The following TMEM177 variants were observed in gnomAD, a reference collection of about 807,000 sequenced individuals.
TMEM177 encodes transmembrane protein 177.
TMEM177 carries 4 observed loss-of-function variants against 14.2 expected under a neutral mutation model. The ratio of observed to expected loss-of-function variants is 0.28; its 90% confidence interval spans 0.14 to 0.64. The LOEUF is 0.64. Among genes scored for constraint, TMEM177 ranks in the 30% least tolerant of loss-of-function variants. The pLI is 0.82. For missense variants in TMEM177, 344 were observed against 405.2 expected (o/e 0.85, Z 1.30); for synonymous variants, 179 against 174.5 (o/e 1.03, Z -0.20).
chr2:119,702,917 G>A, the TMEM177 span, among the ~76,000 whole-genome samples: 4 of 152,232 alleles, frequency 2.6e-5, no homozygotes, highest in African/African-American at 9.6e-5. Context: ...CAGGGGGCTG[G>A]TACCAGAGCC....
downstream of TMEM177, chr2:119,685,531 T>C: frequency 3.2e-6 from 2 of 631,942 alleles, no homozygotes; most frequent in South Asian, 1.9e-5. Flanking sequence ...CTCCCCACCA[T>C]GTCCCTATAG....
At position 119,681,695 on chromosome 2, in the gene TMEM177, G is replaced by A. The variant is rs1427888418; in HGVS notation, c.842G>A (p.Arg281Lys). 1 of 1,614,222 alleles carries A rather than the reference G, an allele frequency of 6.2e-7. No individual in the cohort carries two copies. ...ACACCCAGCGGGAACATCGTCCCCA[G>A]ACACTTGTTCCGAATCAAACATTTA... is the stretch of plus-strand genomic sequence containing the variant. ...LYTPSGNIVPRHLFRIKHLPY... is the reference protein window; with the variant it reads ...LYTPSGNIVPKHLFRIKHLPY... The change falls in exon 2 of 2, where the codon AGA (arginine) becomes AAA (lysine). Residue 281 changes from arginine (R) to lysine (K), a missense_variant. Coordinates refer to ENST00000272521, the MANE Select transcript of TMEM177 (RefSeq NM_030577.3).
the TMEM177 span, among the ~76,000 whole-genome samples, chr2:119,715,833 C>T: frequency 6.6e-6 from 1 of 152,192 alleles, no homozygotes; most frequent in Admixed American, 6.5e-5. Flanking sequence ...AAAGCCTGTC[C>T]CTGTGTTGTT....
downstream of TMEM177, among the ~76,000 whole-genome samples, chr2:119,684,523 G>A (rs915105987): frequency 3.7e-5 from 4 of 107,784 alleles, no homozygotes; most frequent in Non-Finnish European, 8.4e-5. Flanking sequence ...CTAAATTGAG[G>A]CTCTCCATAA....
the TMEM177 span, among the ~76,000 whole-genome samples, chr2:119,704,247 G>A: frequency 6.6e-6 from 1 of 152,186 alleles, no homozygotes; most frequent in African/African-American, 2.4e-5. Flanking sequence ...CCATTTAGAA[G>A]CTGCCATAAG....
At chr2:119,692,402 G>C in the TMEM177 span, among the ~76,000 whole-genome samples, 7 of 152,228 alleles carry the variant, frequency 4.6e-5, no homozygotes, top group Non-Finnish European at 1.0e-4. Flanking sequence ...CAGTGTGAAG[G>C]CCTGTGGCCC....
At chr2:119,718,517 C>A in the TMEM177 span, among the ~76,000 whole-genome samples, 1 of 152,168 alleles carries the variant, frequency 6.6e-6, no homozygotes, top group Admixed American at 6.5e-5. Flanking sequence ...ACTATTTTCC[C>A]AACGCCTCTG....
chr2:119,697,433 T>G, the TMEM177 span, among the ~76,000 whole-genome samples: 1 of 152,146 alleles, frequency 6.6e-6, no homozygotes, highest in African/African-American at 2.4e-5. Context: ...TGGTGGTGTG[T>G]GCCTGCTCAG....
chr2:119,706,371 G>C, the TMEM177 span, among the ~76,000 whole-genome samples: 1 of 152,124 alleles, frequency 6.6e-6, no homozygotes, highest in Non-Finnish European at 1.5e-5. Flanking sequence ...GGAAATGGAA[G>C]GGGTGGCCTC....
At position 119,680,995 on chromosome 2, in the gene TMEM177, T is replaced by C; in HGVS notation, c.142T>C (p.Tyr48His). 1.2e-6 allele frequency: 2 copies of C among 1,614,220 alleles called. No homozygotes were observed. Among genetic ancestry groups the C allele is most frequent in the Non-Finnish European group, 8.5e-7 (1 of 1,180,048 alleles). Reference sequence around the variant, plus strand: ...TCCCGTGGTCCAATGGCTCTACCAGTACTGGCCTCAGGGCCAGCCAGCTCC... The same window carrying C: ...TCCCGTGGTCCAATGGCTCTACCAGCACTGGCCTCAGGGCCAGCCAGCTCC... ...PDPVVQWLYQ[Y>H]WPQGQPAPLP... is the part of the protein sequence containing the mutation. Residue 48 changes from tyrosine (Y) to histidine (H), a missense_variant, in exon 2 of 2, where the codon TAC (tyrosine) becomes CAC (histidine). By Grantham distance (83) the Tyr-to-His change is moderately conservative. Coordinates refer to ENST00000272521, the MANE Select transcript of TMEM177 (RefSeq NM_030577.3).
rs538462104 is a variant in TMEM177 at position 119,680,045 on chromosome 2, C to T, written c.-23+769C>T. Among the ~76,000 whole-genome samples, 10 of 152,252 alleles carry T rather than the reference C, an allele frequency of 6.6e-5. No homozygotes were observed. In the South Asian group the frequency reaches 2.1e-3, roughly 32 times the overall value. On this transcript the variant is annotated intron_variant, in intron 1 of 1. Coordinates refer to ENST00000272521, the MANE Select transcript of TMEM177 (RefSeq NM_030577.3). ...TTGGCTTGTAGGTGGTAGCCTTTTC[C>T]CTGGATCCTCACATGATCTTCCTGC...
At chr2:119,699,888 TA>T in the TMEM177 span, 1 of 449,524 alleles carries the variant, frequency 2.2e-6, no homozygotes, top group South Asian at 1.7e-5. Flanking sequence ...TGCACTAGCT[TA>T]AAAATGCAGA....
downstream of TMEM177, among the ~76,000 whole-genome samples, chr2:119,683,734 G>A (rs1041002923): frequency 1.8e-4 from 27 of 152,120 alleles, no homozygotes; most frequent in African/African-American, 5.1e-4. Flanking sequence ...CTCCAACCTT[G>A]GCGCACACAT....
At chr2:119,680,477 G>T (rs1169900005) in intron 1 of TMEM177, among the ~76,000 whole-genome samples, 19 of 152,162 alleles carry the variant, frequency 1.2e-4, no homozygotes, top group Admixed American at 1.2e-3. Context: ...GGGATGAGTG[G>T]AATGAGGCAG....
At chr2:119,715,188 G>T in the TMEM177 span, among the ~76,000 whole-genome samples, 1 of 152,188 alleles carries the variant, frequency 6.6e-6, no homozygotes, top group Non-Finnish European at 1.5e-5. Context: ...TTCAAGACCA[G>T]TCTGGGCAAC....
the TMEM177 span, chr2:119,699,246 A>C: frequency 6.5e-6 from 1 of 154,140 alleles, no homozygotes; most frequent in East Asian, 1.9e-4. Flanking sequence ...AGGGGAAGCA[A>C]GGACTTATTC....
At chr2:119,707,601 C>T in the TMEM177 span, among the ~76,000 whole-genome samples, 288 of 152,358 alleles carry the variant, frequency 1.9e-3, 1 homozygote, top group Middle Eastern at 3.4e-3. Flanking sequence ...CCCCAAGGGC[C>T]CTGCTGTCCA....
At chr2:119,705,927 A>T in the TMEM177 span, among the ~76,000 whole-genome samples, 1 of 150,212 alleles carries the variant, frequency 6.7e-6, no homozygotes, top group African/African-American at 2.4e-5. Context: ...ACATTCAGGA[A>T]ATAATTCCTT....
At chr2:119,688,024 A>C (rs1689042632), downstream of TMEM177, among the ~76,000 whole-genome samples, 1 of 152,230 alleles carries the variant, frequency 6.6e-6, no homozygotes, top group Non-Finnish European at 1.5e-5. Context: ...GAGGTACATA[A>C]AAGCATTAGA....
Sources: gnomAD v4.1 joint callset for allele counts (sites outside exome capture counted in the v4.1 genomes callset) on GRCh38, gnomAD v4.1.1 for gene constraint, MANE v1.5 for transcripts, NCBI Gene and HGNC (gene_info 2026-07-23, HGNC 2026-07-21) for gene names.